The following PPP1R10 variants were observed in gnomAD, a reference collection of about 807,000 sequenced individuals.
PPP1R10 encodes the protein serine/threonine-protein phosphatase 1 regulatory subunit 10.
PPP1R10 carries 15 observed loss-of-function variants against 99.0 expected under a neutral mutation model. The observed-to-expected ratio is 0.15, with a 90% CI of 0.10 to 0.23. The LOEUF (loss-of-function observed/expected upper bound fraction) is 0.23, where lower values mean the gene tolerates loss of function less well. PPP1R10 is among the 10% of genes least tolerant of loss of function. The pLI is 1.00. For synonymous variants in PPP1R10, 430 were observed against 449.5 expected, an observed-to-expected ratio of 0.96 and a Z score of 0.55; for missense variants, 947 against 1,259.4, an observed-to-expected ratio of 0.75 and a Z score of 3.75.
At chr6:30,603,927 C>T (rs1803645403) in intron 14 of PPP1R10, 81 bp downstream of exon 14, 3 of 1,522,718 alleles carry the variant, frequency 2.0e-6, no homozygotes, top group Non-Finnish European at 2.6e-6. Flanking sequence ...CTAACCTCCA[C>T]CCCGTAATTA....
intron 2 of PPP1R10, chr6:30,614,551 TCCC>T (rs1311174804): frequency 6.6e-6 from 1 of 152,022 alleles, no homozygotes. Context: ...GTACCCACCT[TCCC>T]CCGATTCTCA....
At chr6:30,616,149 T>C (rs952863179) in intron 2 of PPP1R10, among the ~76,000 whole-genome samples, 10 of 152,184 alleles carry the variant, frequency 6.6e-5, no homozygotes, top group Admixed American at 2.0e-4. Context: ...AAGGTAACCA[T>C]TCCTCCTTAT....
chr6:30,604,476 C>A lies in PPP1R10; in HGVS notation c.1138G>T (p.Val380Leu). 3.1e-6 allele frequency: 5 copies of A among 1,613,102 alleles called. No homozygotes were observed. Among genetic ancestry groups the A allele is most frequent in the Non-Finnish European group, 4.2e-6 (5 of 1,180,044 alleles). ...LEPGALDAKPVESPGDPNQLT... is the reference protein window; with the variant it reads ...LEPGALDAKPLESPGDPNQLT... ...TGGTTAGGATCTCCAGGACTCTCCA[C>A]TGGCTTGGCATCCAGAGCTCCTGGC... The change falls in exon 13 of 20, where the codon GTG becomes TTG. Residue 380 changes from valine to leucine, a missense_variant. Val to Leu is a conservative substitution (Grantham distance 32, BLOSUM62 1). This residue lies in a region of PPP1R10 where 100 missense variants were observed against 105.8 expected (regional missense o/e 0.94). Coordinates refer to ENST00000376511, the MANE Select transcript of PPP1R10 (RefSeq NM_002714.4). This position sits in a 1 kb window ranked among gnomAD's most constrained non-coding sequence, Gnocchi z 7.3.
chr6:30,606,006 G>A lies in PPP1R10; in HGVS notation c.770C>T (p.Pro257Leu), dbSNP rs1209717168. Reference sequence around the variant, plus strand: ...TGGCTTGTATTTCTTCTCTGCAGGGGGAGTGGCATCTCCTGGAGCAGCTAC... The same window carrying A: ...TGGCTTGTATTTCTTCTCTGCAGGGAGAGTGGCATCTCCTGGAGCAGCTAC... The part of the protein sequence containing the change: ...SNVAAPGDAT[P>L]PAEKKYKPLN... The change falls in exon 10 of 20, where the codon CCC becomes CTC. Residue 257 changes from proline (P) to leucine (L), a missense_variant. By Grantham distance (98) the Pro-to-Leu change is moderately conservative (BLOSUM62 -3). This residue lies in a region of PPP1R10 where 39 missense variants were observed against 34.4 expected (regional missense o/e 1.14). Transcript: ENST00000376511. The surrounding 1 kb of genome is among the most constrained non-coding windows in gnomAD (Gnocchi z 6.3). 4 of 1,613,896 alleles carry A rather than the reference G, an allele frequency of 2.5e-6. No individual in the cohort carries two copies. The highest frequency in any genetic ancestry group is 2.7e-5 in the African/African-American group (2 of 74,858).
Position 30,604,293 on chromosome 6 carries a change from A to G in PPP1R10, c.1262-39T>C. 1.9e-6 allele frequency: 3 copies of G among 1,613,786 alleles called. No homozygotes were observed. The highest frequency in any genetic ancestry group is 2.5e-6 in the Non-Finnish European group (3 of 1,179,658). On this transcript the variant is annotated intron_variant, in intron 13 of 19. Coordinates refer to ENST00000376511, the MANE Select transcript of PPP1R10 (RefSeq NM_002714.4). The surrounding 1 kb of genome is among the most constrained non-coding windows in gnomAD (Gnocchi z 7.3). ...AAGAAAAGCAAGAGGGAAAGTAAGC[A>G]CAACCAAGTCCTTTCAAAATCCCTT...
chr6:30,604,346 C>T lies in PPP1R10; in HGVS notation c.1261+7G>A, dbSNP rs770519338. Reference sequence around the variant, plus strand: ...ACACACCTATTACGTAGGAAATGACCTCTTACCTCGTTCAGTTTCATCCAA... The same window carrying T: ...ACACACCTATTACGTAGGAAATGACTTCTTACCTCGTTCAGTTTCATCCAA... On this transcript the variant is annotated splice_region_variant and intron_variant, in intron 13 of 19. Transcript: ENST00000376511. The surrounding 1 kb of genome is among the most constrained non-coding windows in gnomAD (Gnocchi z 7.3). 6.2e-7 allele frequency: 1 copy of T among 1,614,118 alleles called. No individual in the cohort carries two copies. Among genetic ancestry groups the T allele is most frequent in the Non-Finnish European group, 8.5e-7 (1 of 1,180,002 alleles).
Position 30,602,439 on chromosome 6 carries a change from C to T in PPP1R10, c.2210G>A (p.Gly737Glu). 1 of 1,604,588 alleles carries T rather than the reference C, an allele frequency of 6.2e-7. No individual in the cohort carries two copies. Among genetic ancestry groups the T allele is most frequent in the Non-Finnish European group, 8.5e-7 (1 of 1,174,716 alleles). ...GGRSGGGPPN[G>E]RGGPGGGMVG... Reference sequence around the variant, plus strand: ...CATGCCCCCACCAGGGCCCCCTCGTCCATTTGGGGGTCCTCCTCCAGAGCG... The same window carrying T: ...CATGCCCCCACCAGGGCCCCCTCGTTCATTTGGGGGTCCTCCTCCAGAGCG... The change falls in exon 19 of 20, where the codon GGA becomes GAA. Residue 737 changes from glycine to glutamate, a missense_variant. Physicochemically the swap from Gly to Glu is moderately conservative, Grantham distance 98. Transcript: ENST00000376511. The surrounding 1 kb of genome is among the most constrained non-coding windows in gnomAD (Gnocchi z 6.7).
chr6:30,602,694 G>A lies in PPP1R10; in HGVS notation c.1958-3C>T, dbSNP rs1247291677. ...CCCACCAGGGCCTCCATGGGGACCT[G>A]TAAGGGGACAAAAAAGAGAGACAGT... On this transcript the variant is annotated splice_polypyrimidine_tract_variant and splice_region_variant and intron_variant, in intron 18 of 19. Coordinates refer to ENST00000376511, the MANE Select transcript of PPP1R10 (RefSeq NM_002714.4). The surrounding 1 kb of genome is among the most constrained non-coding windows in gnomAD (Gnocchi z 6.7). 6.2e-7 allele frequency: 1 copy of A among 1,605,390 alleles called. No homozygotes were observed. Among genetic ancestry groups the A allele is most frequent in the East Asian group, 2.2e-5 (1 of 44,716 alleles).
chr6:30,608,637 G>T, intron 5 of PPP1R10, 142 bp downstream of exon 5: 1 of 1,121,166 alleles, frequency 8.9e-7, no homozygotes, highest in Non-Finnish European at 1.3e-6. Context: ...TTCAAACCAA[G>T]TCTTCTTCTT....
chr6:30,605,179 G>T, intron 10 of PPP1R10, 85 bp from the exon 11 acceptor site: 1 of 1,238,032 alleles, frequency 8.1e-7, no homozygotes, highest in Non-Finnish European at 1.2e-6. Flanking sequence ...CATAAAATGA[G>T]CCAGTGAAGA....
intron 2 of PPP1R10, among the ~76,000 whole-genome samples, chr6:30,612,281 T>C (rs1437978467): frequency 6.6e-6 from 1 of 152,194 alleles, no homozygotes; most frequent in Admixed American, 6.5e-5. Context: ...CATATCCAAC[T>C]ACAAGCTAAG....
intron 2 of PPP1R10, among the ~76,000 whole-genome samples, chr6:30,610,461 C>T (rs1047203948): frequency 6.6e-6 from 1 of 152,120 alleles, no homozygotes. Flanking sequence ...TTTATCTTAG[C>T]CCATTAAGAG....
chr6:30,603,744 C>T, intron 15 of PPP1R10, 36 bp downstream of exon 15: 1 of 1,545,016 alleles, frequency 6.5e-7, no homozygotes, highest in African/African-American at 1.4e-5. Flanking sequence ...ATTCAATGAC[C>T]ATCACAACTT....
intron 2 of PPP1R10, among the ~76,000 whole-genome samples, chr6:30,614,812 G>C (rs1464087143): frequency 6.6e-6 from 1 of 152,134 alleles, no homozygotes; most frequent in East Asian, 1.9e-4. Flanking sequence ...GTTGTGATGA[G>C]TGAAGGAAAG....
chr6:30,611,936 G>C (rs41266844), intron 2 of PPP1R10, among the ~76,000 whole-genome samples: 1 of 152,094 alleles, frequency 6.6e-6, no homozygotes, highest in Non-Finnish European at 1.5e-5. Flanking sequence ...CAGAAATAAA[G>C]GTATTCTTCC....
intron 2 of PPP1R10, 110 bp from the exon 3 acceptor site, chr6:30,610,065 C>A: frequency 1.4e-6 from 1 of 697,266 alleles, no homozygotes; most frequent in Non-Finnish European, 2.5e-6. Context: ...AGTATAATGA[C>A]TAATTATTCA....
intron 2 of PPP1R10, chr6:30,614,589 A>C (rs929053168): frequency 6.6e-6 from 1 of 152,186 alleles, no homozygotes; most frequent in Non-Finnish European, 1.5e-5. Context: ...CAAATGCAGG[A>C]GGCCCACTGG....
chr6:30,612,309 T>TA (rs1278069869), intron 2 of PPP1R10, among the ~76,000 whole-genome samples: 1 of 152,166 alleles, frequency 6.6e-6, no homozygotes, highest in Non-Finnish European at 1.5e-5. Flanking sequence ...ATAGACCTAC[T>TA]ACCCCTATTT....
At chr6:30,615,715 T>A (rs1760420678) in intron 2 of PPP1R10, among the ~76,000 whole-genome samples, 1 of 152,176 alleles carries the variant, frequency 6.6e-6, no homozygotes, top group South Asian at 2.1e-4. Flanking sequence ...AAATATCAAG[T>A]TAAAATGTTA....
Sources: gnomAD v4.1 joint callset for allele counts (sites outside exome capture counted in the v4.1 genomes callset) on GRCh38, gnomAD v4.1.1 for gene constraint, gnomAD v4.1.1 regional missense constraint, Gnocchi (gnomAD v3.1) non-coding constraint, MANE v1.5 for transcripts, NCBI Gene and HGNC (gene_info 2026-07-23, HGNC 2026-07-21) for gene names.